PID1: variants seen among roughly 807,000 people sequenced by gnomAD.
The protein encoded by PID1 is phosphotyrosine interaction domain containing 1.
In PID1, 10 loss-of-function variants were observed where a neutral mutation model predicts 19.1. The ratio of observed to expected loss-of-function variants is 0.52; its 90% confidence interval spans 0.32 to 0.89. The LOEUF is 0.89. Among genes scored for constraint, PID1 ranks in the 40% least tolerant of loss-of-function variants. The probability of loss-of-function intolerance (pLI) is 0.03; values close to 1 mark genes in which losing one functional copy is unlikely to be tolerated. For synonymous variants in PID1, 130 were observed against 116.0 expected, an observed-to-expected ratio of 1.12 and a Z score of -0.78; for missense variants, 248 against 285.3, an observed-to-expected ratio of 0.87 and a Z score of 0.94.
chr2:229,120,257 C>T (rs1241088239), intron 2 of PID1, among the ~76,000 whole-genome samples: 2 of 152,178 alleles, frequency 1.3e-5, no homozygotes, highest in Middle Eastern at 3.4e-3. Context: ...TACTAATAGC[C>T]TGCTATTGAC....
intron 1 of PID1, among the ~76,000 whole-genome samples, chr2:229,166,152 T>G (rs1690592860): frequency 6.6e-6 from 1 of 152,282 alleles, no homozygotes; most frequent in African/African-American, 2.4e-5. Flanking sequence ...AGGAATAAAC[T>G]ACAGATGCAC....
chr2:229,145,149 GTA>G (rs1690100480), intron 2 of PID1, among the ~76,000 whole-genome samples: 1 of 89,316 alleles, frequency 1.1e-5, no homozygotes, highest in Non-Finnish European at 2.2e-5. Context: ...TTAAATATAT[GTA>G]TGTGTATATA....
At chr2:229,202,467 T>C (rs1450620422) in intron 1 of PID1, among the ~76,000 whole-genome samples, 1 of 152,034 alleles carries the variant, frequency 6.6e-6, no homozygotes, top group African/African-American at 2.4e-5. Context: ...TCCTATAGAA[T>C]GAATGGCAGG....
chr2:229,085,036 T>C (rs1159868330), intron 2 of PID1, among the ~76,000 whole-genome samples: 3 of 152,122 alleles, frequency 2.0e-5, no homozygotes, highest in Non-Finnish European at 4.4e-5. Flanking sequence ...CACCTCCCTC[T>C]TTAAAGAGCT....
At chr2:229,132,424 G>A (rs758867449) in intron 2 of PID1, among the ~76,000 whole-genome samples, 13 of 152,150 alleles carry the variant, frequency 8.5e-5, no homozygotes, top group Admixed American at 1.3e-4. Context: ...TCCAGCTTTC[G>A]GTGTCACTAT....
intron 2 of PID1, among the ~76,000 whole-genome samples, chr2:229,120,925 C>G (rs907759016): frequency 3.3e-5 from 5 of 152,104 alleles, no homozygotes; most frequent in African/African-American, 7.2e-5. Context: ...TCCTGTCCCT[C>G]TTTGCATGGG....
intron 1 of PID1, among the ~76,000 whole-genome samples, chr2:229,177,469 G>A (rs182586788): frequency 5.9e-5 from 9 of 151,850 alleles, no homozygotes; most frequent in South Asian, 2.1e-4. Context: ...TTCTTTTTTC[G>A]TTGTCTTTTG....
intron 1 of PID1, among the ~76,000 whole-genome samples, chr2:229,210,550 A>C (rs1255396523): frequency 8.1e-6 from 1 of 123,948 alleles, no homozygotes; most frequent in South Asian, 3.0e-4. Flanking sequence ...AAAAAAAAAA[A>C]AAAACAACCT....
intron 1 of PID1, among the ~76,000 whole-genome samples, chr2:229,177,831 G>A (rs967988197): frequency 1.3e-5 from 2 of 152,120 alleles, no homozygotes; most frequent in African/African-American, 4.8e-5. Context: ...CTCAGGAAAT[G>A]CTCACGACAA....
At chr2:229,207,889 AAGG>A (rs1315725361) in intron 1 of PID1, among the ~76,000 whole-genome samples, 1 of 152,052 alleles carries the variant, frequency 6.6e-6, no homozygotes, top group Admixed American at 6.5e-5. Flanking sequence ...TAAATGGAAA[AAGG>A]CTAACACTGT....
At chr2:229,249,647 C>T (rs1323774553) in intron 1 of PID1, among the ~76,000 whole-genome samples, 1 of 152,130 alleles carries the variant, frequency 6.6e-6, no homozygotes, top group Non-Finnish European at 1.5e-5. Flanking sequence ...AATGGTATAA[C>T]TGAAGCAGAA....
At chr2:229,215,643 T>C (rs1242914181) in intron 1 of PID1, among the ~76,000 whole-genome samples, 1 of 152,206 alleles carries the variant, frequency 6.6e-6, no homozygotes, top group African/African-American at 2.4e-5. Context: ...GAAAAGGGTA[T>C]GTATAGACAG....
intron 1 of PID1, among the ~76,000 whole-genome samples, chr2:229,202,523 G>C (rs1559283008): frequency 6.6e-6 from 1 of 151,924 alleles, no homozygotes; most frequent in Non-Finnish European, 1.5e-5. Context: ...CATTGTACTG[G>C]GATGGCTAAC....
intron 1 of PID1, among the ~76,000 whole-genome samples, chr2:229,246,037 T>C (rs1689994725): frequency 6.6e-6 from 1 of 151,960 alleles, no homozygotes; most frequent in Non-Finnish European, 1.5e-5. Flanking sequence ...CAAATAAGAG[T>C]TATTTCTTCT....
intron 2 of PID1, among the ~76,000 whole-genome samples, chr2:229,119,847 G>A (rs1325532693): frequency 1.3e-5 from 2 of 152,128 alleles, no homozygotes; most frequent in African/African-American, 4.8e-5. Context: ...AATCTGTTGA[G>A]GGCCTAAAAG....
intron 2 of PID1, among the ~76,000 whole-genome samples, chr2:229,154,893 A>T (rs1436111852): frequency 6.6e-6 from 1 of 152,206 alleles, no homozygotes; most frequent in Non-Finnish European, 1.5e-5. Context: ...CAACTCAAGC[A>T]AAAGAGAGTA....
chr2:229,251,759 G>T (rs1690157441), intron 1 of PID1, among the ~76,000 whole-genome samples: 1 of 151,962 alleles, frequency 6.6e-6, no homozygotes, highest in Non-Finnish European at 1.5e-5. Flanking sequence ...CCTTAAATTA[G>T]CAGAAGCAGG....
intron 1 of PID1, among the ~76,000 whole-genome samples, chr2:229,219,114 A>C (rs1293459480): frequency 6.6e-6 from 1 of 152,164 alleles, no homozygotes; most frequent in Non-Finnish European, 1.5e-5. Context: ...GACTCTACAA[A>C]TTACCTAGTT....
Position 229,271,137 on chromosome 2 carries a change from C to A in PID1, c.-94G>T. ...TGGGGTCCCGCTTTACATCTGGGGT[C>A]GGTGTCCGCGGGATGTGCGTCCTGG... On this transcript the variant is annotated 5_prime_UTR_variant, in exon 1 of 3. Transcript: ENST00000392055. 1 of 1,386,160 alleles carries A rather than the reference C, an allele frequency of 7.2e-7. No individual in the cohort carries two copies. Among genetic ancestry groups the A allele is most frequent in the South Asian group, 1.3e-5 (1 of 76,838 alleles). 85.9% of individuals were successfully genotyped at this position (1,386,160 alleles called of 1,614,324 possible).
Sources: gnomAD v4.1 joint callset for allele counts (sites outside exome capture counted in the v4.1 genomes callset) on GRCh38, gnomAD v4.1.1 for gene constraint, MANE v1.5 for transcripts, NCBI Gene and HGNC (gene_info 2026-07-23, HGNC 2026-07-21) for gene names.